The following RTCB variants were observed in gnomAD, a reference collection of about 807,000 sequenced individuals.
The protein encoded by RTCB is RNA 2',3'-cyclic phosphate and 5'-OH ligase.
Under a neutral mutation model 58.2 loss-of-function variants are expected in RTCB, and 32 were observed. That is an observed-to-expected ratio of 0.55 (90% CI 0.41 to 0.74). RTCB has a LOEUF of 0.74. Ranked by LOEUF, RTCB falls within the 30% of genes least tolerant of loss-of-function variation. RTCB has a pLI of 0.00. For missense variants in RTCB, 523 were observed against 639.0 expected, an observed-to-expected ratio of 0.82 and a Z score of 1.96; for synonymous variants, 247 against 218.6, an observed-to-expected ratio of 1.13 and a Z score of -1.15.
intron 2 of RTCB, 85 bp downstream of exon 2, chr22:32,408,670 A>T (rs1238617813): frequency 1.0e-6 from 1 of 980,416 alleles, no homozygotes; most frequent in Non-Finnish European, 1.6e-6. Context: ...AATATTTCAG[A>T]ATTATAATTA....
chr22:32,400,892 C>A (rs538831690), intron 5 of RTCB, among the ~76,000 whole-genome samples: 2 of 152,058 alleles, frequency 1.3e-5, no homozygotes, highest in Non-Finnish European at 2.9e-5. Context: ...AGCTATGACA[C>A]GGTAAAATCT....
At position 32,387,924 on chromosome 22, in the gene RTCB, A is replaced by G. The variant is rs1933084780; in HGVS notation, c.*68T>C. On this transcript the variant is annotated 3_prime_UTR_variant, in exon 12 of 12. Coordinates refer to ENST00000216038, the MANE Select transcript of RTCB (RefSeq NM_014306.5). ...GTCCCGCCTTGAGTCTGATGTCAGA[A>G]GAGCATGTCAGTCCACTTCCACTTC... is the stretch of plus-strand genomic sequence containing the variant. 9.7e-7 allele frequency: 1 copy of G among 1,032,438 alleles called. No individual in the cohort carries two copies. Among genetic ancestry groups the G allele is most frequent in the Non-Finnish European group, 1.5e-6 (1 of 657,098 alleles). 64.0% of individuals were successfully genotyped at this position (1,032,438 alleles called of 1,614,324 possible).
intron 2 of RTCB, 51 bp from the exon 3 acceptor site, chr22:32,408,293 A>G (rs1360966327): frequency 7.0e-7 from 1 of 1,428,792 alleles, no homozygotes; most frequent in Non-Finnish European, 9.9e-7. Flanking sequence ...GATTTTTAGC[A>G]TGAATTATAT....
chr22:32,411,921 G>A (rs376323325), intron 1 of RTCB, 143 bp downstream of exon 1: 106 of 626,722 alleles, frequency 1.7e-4, no homozygotes, highest in African/African-American at 1.7e-3. Flanking sequence ...CCAGAACCGT[G>A]AGGGGAGAAG....
Position 32,393,886 on chromosome 22 carries a change from C to T in RTCB, c.1290+6G>A. 1 of 1,600,502 alleles carries T rather than the reference C, an allele frequency of 6.2e-7. No individual in the cohort carries two copies. Among genetic ancestry groups the T allele is most frequent in the Non-Finnish European group, 8.6e-7 (1 of 1,167,566 alleles). On this transcript the variant is annotated splice_donor_region_variant and intron_variant, in intron 10 of 11. Coordinates refer to ENST00000216038, the MANE Select transcript of RTCB (RefSeq NM_014306.5). ...GCATTTCTAAGGAAGTTTCTGTTTT[C>T]CTTACCGCTCCATGACAGGTTGTTC...
chr22:32,408,377 T>C, intron 2 of RTCB, 135 bp from the exon 3 acceptor site: 1 of 707,900 alleles, frequency 1.4e-6, no homozygotes, highest in South Asian at 1.8e-5. Flanking sequence ...AGAAGGATGT[T>C]TGAGATGCAA....
chr22:32,411,302 TTTC>T (rs1309551066), intron 1 of RTCB, among the ~76,000 whole-genome samples: 4 of 152,178 alleles, frequency 2.6e-5, no homozygotes, highest in African/African-American at 9.7e-5. Flanking sequence ...TCATAAACGT[TTTC>T]TTTTTTCACA....
intron 7 of RTCB, among the ~76,000 whole-genome samples, chr22:32,397,635 T>G (rs1203264211): frequency 6.6e-6 from 1 of 152,216 alleles, no homozygotes; most frequent in African/African-American, 2.4e-5. Flanking sequence ...TGCTCTTTCT[T>G]GGCCAGATAG....
rs1421787949 is a variant in RTCB at position 32,395,309 on chromosome 22, T to C, written c.991-95A>G. ...CTCACTGGTTTCAGGTAGTCTGTTC[T>C]GAAGGGAGTAAAAGATTTAAAAGTT... On this transcript the variant is annotated intron_variant, in intron 8 of 11. Transcript: ENST00000216038. 1.4e-5 allele frequency: 15 copies of C among 1,037,042 alleles called. No individual in the cohort carries two copies. The East Asian group carries it at 2.3e-4, about 16-fold the overall frequency. 64.2% of individuals were successfully genotyped at this position (1,037,042 alleles called of 1,614,324 possible). A position where few individuals can be genotyped will look rare whatever the true frequency, so the allele number is the denominator to read the frequency against.
intron 9 of RTCB, 59 bp downstream of exon 9, chr22:32,394,967 T>C (rs147393664): frequency 7.0e-7 from 1 of 1,432,504 alleles, no homozygotes; most frequent in African/African-American, 1.4e-5. Context: ...GTAATTCACA[T>C]TTGCAACAAT....
rs747448142 is a variant in RTCB, at chr22:32,406,687, A to G, written c.315T>C (p.Asn105=). ...CTGGGGATACTACTGCTTCAGGGTC[A>G]TTCATATCAAAGGCTGCCATGTTCC... ...AIGNMAAFDM[N]DPEAVVSPGG... Residue 105 remains asparagine, a synonymous_variant, in exon 4 of 12, where the codon AAT becomes AAC. Transcript: ENST00000216038. The G allele has an allele frequency of 6.8e-6, 11 of 1,612,262 alleles. No homozygotes were observed. The highest frequency in any genetic ancestry group is 1.6e-4 in the Middle Eastern group (1 of 6,070).
chr22:32,398,464 G>A (rs1213444313), intron 6 of RTCB, among the ~76,000 whole-genome samples: 2 of 152,112 alleles, frequency 1.3e-5, no homozygotes, highest in African/African-American at 2.4e-5. Context: ...AGGAGTGGGA[G>A]GAAAGGGGAG....
rs1313804109 is a variant in RTCB at position 32,401,900 on chromosome 22, C to T, written c.344G>A (p.Gly115Asp). The change falls in exon 5 of 12, where the codon GGT becomes GAT. Residue 115 changes from glycine (G) to aspartate (D), a missense_variant. By Grantham distance (94) the Gly-to-Asp change is moderately conservative (BLOSUM62 -1). Around this residue, in one of 3 missense-constraint regions of RTCB, gnomAD observed 141 missense variants for 216.7 expected, o/e 0.65. Transcript: ENST00000216038. The part of the protein sequence containing the change: ...NDPEAVVSPG[G>D]VGFDINCGVR... ...ACCACAGTTGATGTCAAACCCGACA[C>T]CACCTACAAAATAGAGAAAAGTTAG... 1.2e-6 allele frequency: 2 copies of T among 1,613,746 alleles called. No individual in the cohort carries two copies. Among genetic ancestry groups the T allele is most frequent in the Admixed American group, 1.7e-5 (1 of 60,010 alleles).
chr22:32,412,024 C>G lies in RTCB; in HGVS notation c.93+40G>C, dbSNP rs73881701. 7.3e-3 allele frequency: 11,108 copies of G among 1,521,620 alleles called. 558 individuals are homozygous for G. The African/African-American group carries it at 0.12, about 17-fold the overall frequency. The allele number at this position is 1,521,620 out of a possible 1,614,324, so 94.3% of individuals were successfully genotyped here. ...CAGTGGACGCCGGCCGGGCCGGGGACGGAGCACGGAAGGCCCCGCCATTTG... is the reference window on the plus strand; with the variant it reads ...CAGTGGACGCCGGCCGGGCCGGGGAGGGAGCACGGAAGGCCCCGCCATTTG... On this transcript the variant is annotated intron_variant, in intron 1 of 11. Coordinates refer to ENST00000216038, the MANE Select transcript of RTCB (RefSeq NM_014306.5).
At chr22:32,397,152 A>G (rs1933258979) in intron 7 of RTCB, among the ~76,000 whole-genome samples, 1 of 152,304 alleles carries the variant, frequency 6.6e-6, no homozygotes, top group East Asian at 1.9e-4. Flanking sequence ...TCCTTCTTTA[A>G]AAGTTTCTTT....
At position 32,399,595 on chromosome 22, in the gene RTCB, T is replaced by G; in HGVS notation, c.654+8A>C. On this transcript the variant is annotated splice_region_variant and intron_variant, in intron 6 of 11. Transcript: ENST00000216038. ...AAATTAACATGTTGCCCCTCCAAAG[T>G]GAGTTACCTGAGGAAGGCCTCTTTT... 6.2e-7 allele frequency: 1 copy of G among 1,604,064 alleles called. No homozygotes were observed.
At position 32,412,230 on chromosome 22, in the gene RTCB, G is replaced by C; in HGVS notation, c.-74C>G. 1 of 1,286,066 alleles carries C rather than the reference G, an allele frequency of 7.8e-7. No individual in the cohort carries two copies. The highest frequency in any genetic ancestry group is 1.4e-5 in the South Asian group (1 of 73,716). The allele number at this position is 1,286,066 out of a possible 1,614,324, so 79.7% of individuals were successfully genotyped here. A position where few individuals can be genotyped will look rare whatever the true frequency, so the allele number is the denominator to read the frequency against. On this transcript the variant is annotated 5_prime_UTR_variant, in exon 1 of 12. Coordinates refer to ENST00000216038, the MANE Select transcript of RTCB (RefSeq NM_014306.5). ...CTGCCGCGTAGTCCGGCTTCTCAGAGCACCGCCTTCCAAGAACCAAAGCGC... is the reference window on the plus strand; with the variant it reads ...CTGCCGCGTAGTCCGGCTTCTCAGACCACCGCCTTCCAAGAACCAAAGCGC...
At position 32,387,641 on chromosome 22, in the gene RTCB, G is replaced by A. The variant is rs373816959; in HGVS notation, c.*351C>T. 15 of 220,904 alleles carry A rather than the reference G, an allele frequency of 6.8e-5. No homozygotes were observed. In the East Asian group the frequency reaches 8.8e-4, roughly 13 times the overall value. The allele number at this position is 220,904 out of a possible 1,614,324, so 13.7% of individuals were successfully genotyped here. A position where few individuals can be genotyped will look rare whatever the true frequency, so the allele number is the denominator to read the frequency against. ...CATGACACCTCTCGGAATGTAAACA[G>A]AGCTTGGTGTGAAGAAGATCAATCT... On this transcript the variant is annotated 3_prime_UTR_variant, in exon 12 of 12. Transcript: ENST00000216038.
At position 32,392,531 on chromosome 22, in the gene RTCB, C is replaced by G. The variant is rs1337482083; in HGVS notation, c.1291-172G>C. 5.7e-6 allele frequency: 5 copies of G among 870,470 alleles called. No homozygotes were observed. In the Admixed American group the frequency reaches 1.0e-4, roughly 17 times the overall value. 53.9% of individuals were successfully genotyped at this position (870,470 alleles called of 1,614,324 possible). ...CTTTTAGATTTTGGACCGGAGAATT[C>G]TTTGTTGGGAGGCTGTCCTATGCAG... On this transcript the variant is annotated intron_variant, in intron 10 of 11. Transcript: ENST00000216038.
Sources: allele counts gnomAD v4.1 joint callset (sites outside exome capture counted in the v4.1 genomes callset), GRCh38; gene constraint gnomAD v4.1.1; regional missense constraint gnomAD v4.1.1; transcripts MANE v1.5; gene names NCBI Gene and HGNC (gene_info 2026-07-23, HGNC 2026-07-21).